Variants in PDE5A observed in about 807,000 individuals in gnomAD.
PDE5A encodes cGMP-specific 3',5'-cyclic phosphodiesterase.
In PDE5A, 67 loss-of-function variants were observed where a neutral mutation model predicts 110.2. That is an observed-to-expected ratio of 0.61 (90% CI 0.50 to 0.75). The LOEUF (loss-of-function observed/expected upper bound fraction) is 0.75. Among genes scored for constraint, PDE5A ranks in the 30% least tolerant of loss-of-function variants. The pLI, the probability that PDE5A is intolerant of heterozygous loss-of-function variation, is 0.00. For synonymous variants in PDE5A, 328 were observed against 351.2 expected (o/e 0.93, Z 0.74); for missense variants, 862 against 1,045.1 (o/e 0.82, Z 2.42).
intron 6 of PDE5A, among the ~76,000 whole-genome samples, chr4:119,560,789 A>G (rs1349366720): frequency 6.6e-6 from 1 of 151,910 alleles, no homozygotes; most frequent in Admixed American, 6.5e-5. Flanking sequence ...TGATTATTAA[A>G]ATAACTGTGA....
chr4:119,520,857 G>T, intron 13 of PDE5A, 78 bp downstream of exon 13: 2 of 1,202,060 alleles, frequency 1.7e-6, no homozygotes, highest in Non-Finnish European at 2.4e-6. Flanking sequence ...ACCTTAAAGT[G>T]AAATTGAAAG....
At chr4:119,576,038 T>A (rs1451136191) in intron 3 of PDE5A, among the ~76,000 whole-genome samples, 5 of 152,192 alleles carry the variant, frequency 3.3e-5, no homozygotes, top group Non-Finnish European at 7.3e-5. Flanking sequence ...GTTGCAATCG[T>A]AGTCTCTGAT....
chr4:119,507,272 G>C (rs1220529464), intron 16 of PDE5A, among the ~76,000 whole-genome samples: 1 of 151,880 alleles, frequency 6.6e-6, no homozygotes, highest in Non-Finnish European at 1.5e-5. Context: ...AAGTTGTGGG[G>C]AGCAAGGGAA....
rs543152666 is a variant in PDE5A at position 119,571,942 on chromosome 4, T to G, written c.832-4798A>C. Among the ~76,000 whole-genome samples, 11 of 152,346 alleles carry G rather than the reference T, an allele frequency of 7.2e-5. No individual in the cohort carries two copies. In the South Asian group the frequency reaches 2.3e-3, roughly 32 times the overall value. The stretch of plus-strand genomic sequence containing the variant: ...TCATTTCTCAAGAATTTTAATGGTT[T>G]CACCCATCTACAGAATAAAAATTAA... On this transcript the variant is annotated intron_variant, in intron 3 of 20. Transcript: ENST00000354960.
intron 11 of PDE5A, among the ~76,000 whole-genome samples, chr4:119,528,015 A>G (rs1201388501): frequency 6.6e-6 from 1 of 151,420 alleles, no homozygotes; most frequent in Non-Finnish European, 1.5e-5. Context: ...CTCTTACAGG[A>G]CTATGGTTTT....
intron 10 of PDE5A, 130 bp from the exon 11 acceptor site, chr4:119,539,149 T>C: frequency 1.4e-6 from 1 of 740,134 alleles, no homozygotes; most frequent in Non-Finnish European, 2.4e-6. Context: ...CCAAATCTTG[T>C]TTGCTGTTTT....
At chr4:119,521,127 G>T in intron 12 of PDE5A, 67 bp from the exon 13 acceptor site, 1 of 1,489,062 alleles carries the variant, frequency 6.7e-7, no homozygotes, top group Non-Finnish European at 9.2e-7. Flanking sequence ...CTATGTTCCA[G>T]ACACTACAAA....
Position 119,607,635 on chromosome 4 carries a change from A to C in PDE5A, c.153-338T>G, listed in dbSNP as rs1164367207. Among the ~76,000 whole-genome samples the C allele has an allele frequency of 2.6e-5, 4 of 151,926 alleles. 1 individual carries two copies. On this transcript the variant is annotated intron_variant, in intron 1 of 20. Transcript: ENST00000354960. ...GCCTATGATCCTAACTACTGGGGAG[A>C]CTGAGGCAGGAGGGTTGCTTGAGCC... is the stretch of plus-strand genomic sequence containing the variant.
intron 7 of PDE5A, among the ~76,000 whole-genome samples, chr4:119,556,353 A>G (rs1245398735): frequency 6.6e-6 from 1 of 151,992 alleles, no homozygotes; most frequent in Non-Finnish European, 1.5e-5. Flanking sequence ...CCCCCATCCT[A>G]CTGTTTAAAA....
intron 9 of PDE5A, chr4:119,548,803 T>C (rs984590780): frequency 2.0e-5 from 3 of 152,198 alleles, no homozygotes; most frequent in Non-Finnish European, 1.5e-5. Context: ...TTACTGCCCT[T>C]ACACCCTACA....
At chr4:119,526,542 T>C (rs773705616) in intron 11 of PDE5A, among the ~76,000 whole-genome samples, 1 of 152,150 alleles carries the variant, frequency 6.6e-6, no homozygotes, top group Non-Finnish European at 1.5e-5. Flanking sequence ...TAGATCAGGC[T>C]ATTAACTGGA....
intron 1 of PDE5A, among the ~76,000 whole-genome samples, chr4:119,624,810 G>GC (rs1362372546): frequency 1.3e-5 from 2 of 152,140 alleles, no homozygotes; most frequent in African/African-American, 4.8e-5. Flanking sequence ...AAAGGCATAC[G>GC]CATTAAAGCC....
Position 119,498,568 on chromosome 4 carries a change from C to T in PDE5A, c.*33G>A. 6.2e-7 allele frequency: 1 copy of T among 1,613,208 alleles called. No homozygotes were observed. The highest frequency in any genetic ancestry group is 8.5e-7 in the Non-Finnish European group (1 of 1,179,372). On this transcript the variant is annotated 3_prime_UTR_variant, in exon 21 of 21. Coordinates refer to ENST00000354960, the MANE Select transcript of PDE5A (RefSeq NM_001083.4). ...AGGCATATTGCAGAACACACCATCTCTGTAAACTTCAACTCTGCATGAAAT... is the reference window on the plus strand; with the variant it reads ...AGGCATATTGCAGAACACACCATCTTTGTAAACTTCAACTCTGCATGAAAT...
At chr4:119,504,930 G>A (rs969284690) in intron 17 of PDE5A, among the ~76,000 whole-genome samples, 9 of 152,044 alleles carry the variant, frequency 5.9e-5, no homozygotes, top group African/African-American at 1.7e-4. Flanking sequence ...CATTCTCAGC[G>A]ACAGTATGAT....
intron 11 of PDE5A, among the ~76,000 whole-genome samples, chr4:119,529,865 G>A (rs995434001): frequency 6.6e-6 from 1 of 152,074 alleles, no homozygotes; most frequent in South Asian, 2.1e-4. Flanking sequence ...AAGGCAGAGG[G>A]GATCCGTTTC....
Position 119,502,563 on chromosome 4 carries a change from A to G in PDE5A, c.2406+18T>C. On this transcript the variant is annotated intron_variant, in intron 19 of 20. Coordinates refer to ENST00000354960, the MANE Select transcript of PDE5A (RefSeq NM_001083.4). ...AAAACAATTTGAATAATTCCTACCA[A>G]CAAGGTTTCATACTTACAGTGGGTT... 6.9e-7 allele frequency: 1 copy of G among 1,453,698 alleles called. No individual in the cohort carries two copies. The highest frequency in any genetic ancestry group is 9.5e-7 in the Non-Finnish European group (1 of 1,047,770). The allele number at this position is 1,453,698 out of a possible 1,614,324, so 90.0% of individuals were successfully genotyped here.
chr4:119,500,922 A>G (rs1725296312), intron 20 of PDE5A: 1 of 476,124 alleles, frequency 2.1e-6, no homozygotes, highest in Non-Finnish European at 3.7e-6. Context: ...TAACACTGGC[A>G]CATAATTCTT....
chr4:119,585,791 A>C (rs140225728), intron 3 of PDE5A, among the ~76,000 whole-genome samples: 1 of 152,258 alleles, frequency 6.6e-6, no homozygotes, highest in East Asian at 1.9e-4. Context: ...GTAGTGATGG[A>C]CAACTTTGGA....
intron 1 of PDE5A, among the ~76,000 whole-genome samples, chr4:119,618,112 C>A (rs1278257061): frequency 6.6e-6 from 1 of 152,056 alleles, no homozygotes; most frequent in East Asian, 1.9e-4. Context: ...TAGGCTTTAA[C>A]CCCAGAATCA....
Sources: allele counts gnomAD v4.1 joint callset (sites outside exome capture counted in the v4.1 genomes callset), GRCh38; gene constraint gnomAD v4.1.1; transcripts MANE v1.5; gene names NCBI Gene and HGNC (gene_info 2026-07-23, HGNC 2026-07-21).